Variants in PTPRG observed in about 807,000 individuals in gnomAD.
PTPRG encodes receptor-type tyrosine-protein phosphatase gamma.
A neutral mutation model predicts 165.3 loss-of-function variants in PTPRG; 102 were observed. The ratio of observed to expected loss-of-function variants is 0.62; its 90% CI spans 0.53 to 0.73. PTPRG has a LOEUF of 0.73. PTPRG is among the 30% of genes least tolerant of loss of function. PTPRG has a pLI of 0.00. For synonymous variants in PTPRG, 675 were observed against 669.5 expected (o/e 1.01, Z -0.13); for missense variants, 1,866 against 1,861.4 (o/e 1.00, Z -0.05).
rs1040774783 is a variant in PTPRG, at chr3:61,561,597, C to G, written c.-691C>G. On this transcript the variant is annotated 5_prime_UTR_variant, in exon 1 of 30. Transcript: ENST00000474889. ...TGTTACTTCCTGTATGGAGGCATGG[C>G]CAGTTTCCAGCCCCGCGCTCTTCGT... 1 of 152,546 alleles carries G rather than the reference C, an allele frequency of 6.6e-6. No individual in the cohort carries two copies. The highest frequency in any genetic ancestry group is 1.5e-5 in the Non-Finnish European group (1 of 68,360). The allele number at this position is 152,546 out of a possible 1,614,324, so 9.4% of individuals were successfully genotyped here.
intron 8 of PTPRG, among the ~76,000 whole-genome samples, chr3:62,180,121 C>T (rs571090043): frequency 6.6e-6 from 1 of 152,318 alleles, no homozygotes; most frequent in South Asian, 2.1e-4. Flanking sequence ...CCATTTGCAT[C>T]ATAATAATCT....
intron 9 of PTPRG, among the ~76,000 whole-genome samples, chr3:62,192,209 TTA>T (rs1460097384): frequency 3.3e-5 from 5 of 151,976 alleles, no homozygotes; most frequent in African/African-American, 1.2e-4. Context: ...GTGTAATATT[TTA>T]TCTCTTTTCT....
chr3:61,923,909 T>A (rs1042290691), intron 2 of PTPRG, among the ~76,000 whole-genome samples: 2 of 152,078 alleles, frequency 1.3e-5, no homozygotes, highest in African/African-American at 4.8e-5. Flanking sequence ...GTTAATTTTA[T>A]CAAGTAAACG....
intron 1 of PTPRG, among the ~76,000 whole-genome samples, chr3:61,644,077 G>T (rs1322463797): frequency 1.3e-5 from 2 of 152,150 alleles, no homozygotes; most frequent in African/African-American, 2.4e-5. Flanking sequence ...TTCAGCAGAT[G>T]TGTGAATATT....
At chr3:61,641,674 A>T (rs1702066198) in intron 1 of PTPRG, among the ~76,000 whole-genome samples, 1 of 152,224 alleles carries the variant, frequency 6.6e-6, no homozygotes, top group Admixed American at 6.5e-5. Flanking sequence ...TAGAAACCTA[A>T]TCCAGGTTTA....
intron 1 of PTPRG, among the ~76,000 whole-genome samples, chr3:61,696,150 T>A (rs1164920858): frequency 6.6e-6 from 1 of 152,132 alleles, no homozygotes; most frequent in Non-Finnish European, 1.5e-5. Context: ...CCCCAATGCT[T>A]GTATGTTTGT....
chr3:61,647,254 A>T (rs137945339), intron 1 of PTPRG, among the ~76,000 whole-genome samples: 113 of 152,246 alleles, frequency 7.4e-4, no homozygotes, highest in Non-Finnish European at 1.3e-3. Context: ...CCTGTCTTTC[A>T]TTTTACCGTC....
chr3:61,813,477 C>T lies in PTPRG; in HGVS notation c.190+64495C>T, dbSNP rs530479051. ...GTTGCGTTGAGCTGAGATCGTGCCA[C>T]TGCACTCCAGCCTGGGTGACAGAAT... On this transcript the variant is annotated intron_variant, in intron 2 of 29. Coordinates refer to ENST00000474889, the MANE Select transcript of PTPRG (RefSeq NM_002841.4). 3.5e-5 allele frequency among the ~76,000 whole-genome samples: 5 copies of T among 144,212 alleles called. No homozygotes were observed. The South Asian group carries it at 1.1e-3, about 32-fold the overall frequency. 94.6% of individuals were successfully genotyped at this position (144,212 alleles called of 152,430 possible).
intron 1 of PTPRG, among the ~76,000 whole-genome samples, chr3:61,632,469 A>G (rs938296022): frequency 2.6e-5 from 4 of 152,222 alleles, no homozygotes; most frequent in African/African-American, 9.6e-5. Flanking sequence ...CTTCTGTTCT[A>G]GGATATTAGG....
intron 4 of PTPRG, among the ~76,000 whole-genome samples, chr3:62,068,246 A>G (rs1394370267): frequency 6.6e-6 from 1 of 152,098 alleles, no homozygotes; most frequent in Non-Finnish European, 1.5e-5. Flanking sequence ...TGAGTGCTTT[A>G]TGCTTGAGGC....
chr3:62,078,675 T>C (rs1390584370), intron 5 of PTPRG, among the ~76,000 whole-genome samples: 3 of 152,190 alleles, frequency 2.0e-5, no homozygotes, highest in Non-Finnish European at 4.4e-5. Flanking sequence ...ACCCCCTCTC[T>C]TTCCCTCTCA....
At chr3:62,164,171 C>T (rs1704876935) in intron 7 of PTPRG, among the ~76,000 whole-genome samples, 2 of 152,190 alleles carry the variant, frequency 1.3e-5, no homozygotes, top group Non-Finnish European at 2.9e-5. Context: ...GCCTGATTTC[C>T]ATATTGCACA....
chr3:61,842,702 AAG>A (rs1388623867), intron 2 of PTPRG, among the ~76,000 whole-genome samples: 42 of 147,088 alleles, frequency 2.9e-4, no homozygotes, highest in South Asian at 1.3e-3. Flanking sequence ...AAAAAAAAAA[AAG>A]AAAAAGAAAA....
intron 4 of PTPRG, among the ~76,000 whole-genome samples, chr3:62,052,948 A>G (rs967950599): frequency 2.0e-5 from 3 of 152,208 alleles, no homozygotes; most frequent in African/African-American, 7.2e-5. Context: ...GATAGAAAAG[A>G]CGGAGATACC....
chr3:61,567,983 A>AAG (rs1216466697), intron 1 of PTPRG, among the ~76,000 whole-genome samples: 1 of 151,812 alleles, frequency 6.6e-6, no homozygotes, highest in East Asian at 1.9e-4. Flanking sequence ...AAAAAAAAAA[A>AAG]AAGTTCATTT....
At chr3:61,952,234 T>A (rs1290047880) in intron 2 of PTPRG, among the ~76,000 whole-genome samples, 1 of 152,046 alleles carries the variant, frequency 6.6e-6, no homozygotes, top group Non-Finnish European at 1.5e-5. Context: ...CCACTGACTG[T>A]TAGGACCACT....
At chr3:61,717,090 G>A (rs1387235955) in intron 1 of PTPRG, among the ~76,000 whole-genome samples, 1 of 152,184 alleles carries the variant, frequency 6.6e-6, no homozygotes, top group Admixed American at 6.5e-5. Flanking sequence ...TGATGCTCTT[G>A]TTTAATTGTT....
At chr3:61,823,112 G>A (rs564458286) in intron 2 of PTPRG, among the ~76,000 whole-genome samples, 4 of 152,278 alleles carry the variant, frequency 2.6e-5, no homozygotes, top group Admixed American at 6.5e-5. Flanking sequence ...CCCATCATGC[G>A]TAGTTTGCAT....
chr3:61,737,817 T>C (rs912137616), intron 1 of PTPRG, among the ~76,000 whole-genome samples: 12 of 152,144 alleles, frequency 7.9e-5, no homozygotes, highest in African/African-American at 2.4e-4. Flanking sequence ...ATTTTTGTTA[T>C]TGTGAAGCTT....
Sources: allele counts gnomAD v4.1 joint callset (sites outside exome capture counted in the v4.1 genomes callset), GRCh38; gene constraint gnomAD v4.1.1; transcripts MANE v1.5; gene names NCBI Gene and HGNC (gene_info 2026-07-23, HGNC 2026-07-21).